Variants in PDE3A observed in about 807,000 individuals in gnomAD.
PDE3A encodes phosphodiesterase 3A, also known as cGMP-inhibited 3',5'-cyclic phosphodiesterase 3A.
PDE3A carries 43 observed loss-of-function variants against 98.3 expected under a neutral mutation model. That is an observed-to-expected ratio of 0.44 (90% CI 0.34 to 0.56). The LOEUF is 0.56. Ranked by LOEUF, PDE3A falls within the 20% of genes least tolerant of loss-of-function variation. The probability of loss-of-function intolerance (pLI) is 0.01; values close to 1 mark genes in which losing one functional copy is unlikely to be tolerated. For missense variants in PDE3A, 1,427 were observed against 1,440.7 expected (o/e 0.99, Z 0.15); for synonymous variants, 663 against 567.9 (o/e 1.17, Z -2.38).
intron 2 of PDE3A, among the ~76,000 whole-genome samples, chr12:20,603,389 C>G (rs1317099712): frequency 6.6e-6 from 1 of 152,114 alleles, no homozygotes; most frequent in Non-Finnish European, 1.5e-5. Flanking sequence ...CCAATGCAAT[C>G]AACCATATTA....
chr12:20,665,821 T>C (rs2120369567), intron 15 of PDE3A, among the ~76,000 whole-genome samples: 1 of 152,272 alleles, frequency 6.6e-6, no homozygotes, highest in Non-Finnish European at 1.5e-5. Flanking sequence ...TTATGTAATA[T>C]GCAACTTTTT....
chr12:20,428,008 A>C (rs1944629724), intron 1 of PDE3A, among the ~76,000 whole-genome samples: 1 of 152,102 alleles, frequency 6.6e-6, no homozygotes, highest in Non-Finnish European at 1.5e-5. Flanking sequence ...GGTCAGGAGT[A>C]ATCCCACATC....
intron 10 of PDE3A, among the ~76,000 whole-genome samples, chr12:20,643,626 T>A (rs968282389): frequency 3.9e-3 from 1 of 258 alleles, no homozygotes; most frequent in Non-Finnish European, 0.038. Flanking sequence ...GGTTAGTGAT[T>A]TTTTTTTTAT....
Position 20,683,930 on chromosome 12 carries a change from A to C in PDE3A, c.*3659A>C, listed in dbSNP as rs764180916. 1 of 152,172 alleles carries C rather than the reference A, an allele frequency of 6.6e-6. No homozygotes were observed. The highest frequency in any genetic ancestry group is 1.5e-5 in the Non-Finnish European group (1 of 68,020). 9.4% of individuals were successfully genotyped at this position (152,172 alleles called of 1,614,324 possible). ...TAGACTGTTAATTTGCAATTTCCCC[A>C]TATTTCCTGCCTATCTTACCCAGAT... On this transcript the variant is annotated 3_prime_UTR_variant, in exon 16 of 16. Coordinates refer to ENST00000359062, the MANE Select transcript of PDE3A (RefSeq NM_000921.5).
chr12:20,558,456 A>T (rs1475197067), intron 2 of PDE3A, among the ~76,000 whole-genome samples: 2 of 151,952 alleles, frequency 1.3e-5, no homozygotes, highest in African/African-American at 4.8e-5. Context: ...GGATCTCTTA[A>T]CCAGCAAAAT....
At chr12:20,491,625 A>T (rs1251342161) in intron 1 of PDE3A, among the ~76,000 whole-genome samples, 1 of 152,166 alleles carries the variant, frequency 6.6e-6, no homozygotes, top group African/African-American at 2.4e-5. Flanking sequence ...AGAGTTAAGG[A>T]AGGATAGAAA....
At position 20,392,096 on chromosome 12, in the gene PDE3A, A is replaced by T. The variant is rs1943927647; in HGVS notation, c.960+21852A>T. On this transcript the variant is annotated intron_variant, in intron 1 of 15. Transcript: ENST00000359062. Reference sequence around the variant, plus strand: ...TTTTTTTGTCAGCATAATAATCTATAGATGTATATTTTGTTTGTATCAGCT... The same window carrying T: ...TTTTTTTGTCAGCATAATAATCTATTGATGTATATTTTGTTTGTATCAGCT... 2.0e-5 allele frequency among the ~76,000 whole-genome samples: 3 copies of T among 151,862 alleles called. No individual in the cohort carries two copies. In the South Asian group the frequency reaches 6.2e-4, roughly 31 times the overall value.
chr12:20,677,290 G>T (rs777304847), intron 15 of PDE3A, among the ~76,000 whole-genome samples: 1 of 151,788 alleles, frequency 6.6e-6, no homozygotes, highest in Non-Finnish European at 1.5e-5. Context: ...CTTTAATATT[G>T]TTATTTTGAA....
At chr12:20,654,354 C>A (rs1944989204) in intron 15 of PDE3A, 149 bp downstream of exon 15, 4 of 659,744 alleles carry the variant, frequency 6.1e-6, no homozygotes, top group Non-Finnish European at 1.0e-5. Flanking sequence ...TCCCCAATAT[C>A]ATAATAATAG....
intron 10 of PDE3A, among the ~76,000 whole-genome samples, chr12:20,644,000 C>A (rs896385182): frequency 6.6e-6 from 1 of 151,868 alleles, no homozygotes; most frequent in Non-Finnish European, 1.5e-5. Context: ...TGTGATACTG[C>A]CCCCCATCCA....
intron 1 of PDE3A, among the ~76,000 whole-genome samples, chr12:20,404,826 GTTTTTTTTTTT>G (rs60736941): frequency 8.4e-5 from 8 of 95,106 alleles, no homozygotes; most frequent in Non-Finnish European, 1.4e-4. Context: ...AGGTTACAGA[GTTTTTTTTTTT>G]TTTTTTTTTT....
At chr12:20,637,486 T>C (rs1288078606) in intron 9 of PDE3A, among the ~76,000 whole-genome samples, 2 of 152,110 alleles carry the variant, frequency 1.3e-5, no homozygotes, top group East Asian at 3.9e-4. Context: ...GGGATAGAGA[T>C]ATATAGACAA....
intron 15 of PDE3A, among the ~76,000 whole-genome samples, chr12:20,679,461 A>T (rs559747602): frequency 6.6e-6 from 1 of 152,104 alleles, no homozygotes; most frequent in South Asian, 2.1e-4. Context: ...GTTAGCCAGG[A>T]TGGTCTCAAT....
intron 1 of PDE3A, among the ~76,000 whole-genome samples, chr12:20,550,917 A>G (rs1380687189): frequency 6.6e-6 from 1 of 151,648 alleles, no homozygotes; most frequent in Non-Finnish European, 1.5e-5. Flanking sequence ...GTAGCACATT[A>G]TAGTTACTGG....
At chr12:20,401,343 A>AT (rs1944127251) in intron 1 of PDE3A, among the ~76,000 whole-genome samples, 1 of 152,194 alleles carries the variant, frequency 6.6e-6, no homozygotes, top group South Asian at 2.1e-4. Context: ...AAATCCTTTG[A>AT]TAAAAAGTAG....
chr12:20,413,484 A>G (rs1387190386), intron 1 of PDE3A, among the ~76,000 whole-genome samples: 2 of 152,148 alleles, frequency 1.3e-5, no homozygotes, highest in African/African-American at 4.8e-5. Flanking sequence ...GGAACCCATG[A>G]CTGTATTTCT....
chr12:20,680,446 A>G lies in PDE3A; in HGVS notation c.*175A>G. 1 of 670,376 alleles carries G rather than the reference A, an allele frequency of 1.5e-6. No individual in the cohort carries two copies. The highest frequency in any genetic ancestry group is 2.2e-5 in the South Asian group (1 of 45,760). 41.5% of individuals were successfully genotyped at this position (670,376 alleles called of 1,614,324 possible). Reference sequence around the variant, plus strand: ...TTTTACAGTGAGGTACATTGTTAAAAACTTTTTGCTCAAAGAAGCTTTCAC... The same window carrying G: ...TTTTACAGTGAGGTACATTGTTAAAGACTTTTTGCTCAAAGAAGCTTTCAC... On this transcript the variant is annotated 3_prime_UTR_variant, in exon 16 of 16. Transcript: ENST00000359062.
At chr12:20,631,710 T>C (rs912347853) in intron 6 of PDE3A, among the ~76,000 whole-genome samples, 2 of 151,476 alleles carry the variant, frequency 1.3e-5, no homozygotes, top group Non-Finnish European at 2.9e-5. Flanking sequence ...ATTTTTTTTT[T>C]TTTTTTGTAT....
chr12:20,670,566 A>G (rs1945448146), intron 15 of PDE3A, among the ~76,000 whole-genome samples: 1 of 152,156 alleles, frequency 6.6e-6, no homozygotes, highest in African/African-American at 2.4e-5. Context: ...GCTCAACTGC[A>G]TGGAAACTGA....
Sources: gnomAD v4.1 joint callset for allele counts (sites outside exome capture counted in the v4.1 genomes callset) on GRCh38, gnomAD v4.1.1 for gene constraint, MANE v1.5 for transcripts, NCBI Gene and HGNC (gene_info 2026-07-23, HGNC 2026-07-21) for gene names.